GSE1: variants seen among roughly 807,000 people sequenced by gnomAD.
The protein encoded by GSE1 is Gse1 coiled-coil protein, also known as genetic suppressor element 1.
A neutral mutation model predicts 112.6 loss-of-function variants in GSE1; 32 were observed. That is an observed-to-expected ratio of 0.28 (90% confidence interval 0.21 to 0.38). GSE1 has a LOEUF of 0.38. Among genes scored for constraint, GSE1 ranks in the 10% least tolerant of loss-of-function variants. GSE1 has a pLI of 1.00. For synonymous variants in GSE1, 1,115 were observed against 735.6 expected (o/e 1.52, Z -8.35); for missense variants, 2,348 against 1,699.2 (o/e 1.38, Z -6.71).
intron 15 of GSE1, 76 bp from the exon 16 acceptor site, chr16:85,672,329 C>T (rs753805818): frequency 1.9e-6 from 2 of 1,073,918 alleles, no homozygotes; most frequent in African/African-American, 1.6e-5. Flanking sequence ...CCCTTCCATC[C>T]AGCATGTTTG....
At chr16:85,274,059 A>G (rs1452635872) in intron 1 of GSE1, among the ~76,000 whole-genome samples, 1 of 150,806 alleles carries the variant, frequency 6.6e-6, no homozygotes, top group Non-Finnish European at 1.5e-5. Context: ...GCTGCACAAC[A>G]TTGGGAATGC....
intron 2 of GSE1, among the ~76,000 whole-genome samples, chr16:85,480,190 C>A (rs2050627600): frequency 6.6e-6 from 1 of 152,250 alleles, no homozygotes; most frequent in Admixed American, 6.5e-5. Flanking sequence ...GGGCCCCAGC[C>A]AGGAGTAAGA....
chr16:85,257,403 G>A lies in GSE1; in HGVS notation c.2283+85596G>A, dbSNP rs142828684. Among the ~76,000 whole-genome samples the A allele has an allele frequency of 1.9e-3, 296 of 152,278 alleles. 2 individuals are homozygous for A. Among genetic ancestry groups the A allele is most frequent in the African/African-American group, 6.8e-3 (281 of 41,546 alleles). ...TGGGATTACAGGCATGAGCCACCAC[G>A]CTCAGCAATGTTCTGCATTTTCTAC... is the stretch of plus-strand genomic sequence containing the variant. On this transcript the variant is annotated intron_variant, in intron 1 of 2. Coordinates refer to the GSE1 transcript ENST00000637419.
At chr16:85,589,762 TG>T (rs1477894359) in intron 1 of GSE1, among the ~76,000 whole-genome samples, 7 of 152,000 alleles carry the variant, frequency 4.6e-5, no homozygotes, top group Non-Finnish European at 1.0e-4. Flanking sequence ...TGTGTGAACT[TG>T]TGTGACATTG....
At chr16:85,650,780 GA>G (rs2051269480) in intron 3 of GSE1, among the ~76,000 whole-genome samples, 1 of 152,080 alleles carries the variant, frequency 6.6e-6, no homozygotes, top group Non-Finnish European at 1.5e-5. Context: ...TGGGGAGGCA[GA>G]GAGAGGATTC....
intron 1 of GSE1, among the ~76,000 whole-genome samples, chr16:85,203,166 G>C (rs2075059061): frequency 6.6e-6 from 1 of 151,594 alleles, no homozygotes; most frequent in Non-Finnish European, 1.5e-5. Context: ...TGGCTCTGGG[G>C]CTGCTCTCCT....
chr16:85,312,239 A>T (rs2045876313), intron 1 of GSE1, among the ~76,000 whole-genome samples: 2 of 126,620 alleles, frequency 1.6e-5, no homozygotes, highest in Non-Finnish European at 3.2e-5. Flanking sequence ...CCCAAACCCT[A>T]AACACAACTG....
At chr16:85,613,279 G>A (rs2048116761), upstream of GSE1, 3 of 1,536,008 alleles carry the variant, frequency 2.0e-6, no homozygotes, top group East Asian at 2.6e-5. Context: ...CCTCCCCAGC[G>A]GGCCCGAGCT....
intron 1 of GSE1, among the ~76,000 whole-genome samples, chr16:85,319,808 C>G (rs1482794822): frequency 6.6e-6 from 1 of 152,192 alleles, no homozygotes; most frequent in Non-Finnish European, 1.5e-5. Flanking sequence ...AAGGCCTTCT[C>G]ACAAATGGTA....
chr16:85,345,341 T>C (rs1182817730), intron 1 of GSE1, among the ~76,000 whole-genome samples: 1 of 152,242 alleles, frequency 6.6e-6, no homozygotes. Flanking sequence ...CTGAGGCTGC[T>C]TGGGTGCTGC....
At chr16:85,392,719 G>C (rs1386902464) in intron 2 of GSE1, among the ~76,000 whole-genome samples, 1 of 152,240 alleles carries the variant, frequency 6.6e-6, no homozygotes, top group African/African-American at 2.4e-5. Context: ...AGGAAACTGA[G>C]AGCCAGCCGC....
At chr16:85,627,238 G>A (rs2151689298) in intron 1 of GSE1, among the ~76,000 whole-genome samples, 1 of 151,164 alleles carries the variant, frequency 6.6e-6, no homozygotes, top group Admixed American at 6.6e-5. Flanking sequence ...GTGAAATGGT[G>A]GGACCTGAGG....
In GSE1 at chr16:85,500,125, C is replaced by A. The variant is rs2051311125; in HGVS notation, c.2465-133789C>A. 2.0e-5 allele frequency among the ~76,000 whole-genome samples: 3 copies of A among 152,218 alleles called. No individual in the cohort carries two copies. The South Asian group carries it at 6.2e-4, about 31-fold the overall frequency. On this transcript the variant is annotated intron_variant, in intron 2 of 2. Coordinates refer to the GSE1 transcript ENST00000637419. ...TGGAATATTAGGGCCCCCTCCATAT[C>A]ATCATCCCCAATATTGCAAGAGCTA...
intron 2 of GSE1, among the ~76,000 whole-genome samples, chr16:85,507,871 C>T (rs1032940420): frequency 4.6e-5 from 7 of 152,138 alleles, no homozygotes; most frequent in Non-Finnish European, 8.8e-5. Flanking sequence ...GAAATGGATG[C>T]GTCATATTCA....
chr16:85,246,397 C>T (rs1349287294), intron 1 of GSE1, among the ~76,000 whole-genome samples: 7 of 82,822 alleles, frequency 8.5e-5, no homozygotes, highest in Admixed American at 1.3e-4. Flanking sequence ...ACACCCCACA[C>T]GCTGTCTACA....
At chr16:85,622,164 G>C (rs890779862) in intron 1 of GSE1, among the ~76,000 whole-genome samples, 3 of 152,304 alleles carry the variant, frequency 2.0e-5, no homozygotes, top group Admixed American at 6.5e-5. Flanking sequence ...TTGGTGGCTG[G>C]GTTGGATGAG....
intron 1 of GSE1, among the ~76,000 whole-genome samples, chr16:85,173,565 G>T (rs1309032133): frequency 2.0e-5 from 3 of 152,198 alleles, no homozygotes; most frequent in Non-Finnish European, 4.4e-5. Flanking sequence ...TGGCTTGCAG[G>T]CTGGGTGCCA....
intron 1 of GSE1, among the ~76,000 whole-genome samples, chr16:85,268,290 C>T (rs1403017947): frequency 6.6e-6 from 1 of 152,020 alleles, no homozygotes; most frequent in East Asian, 1.9e-4. Flanking sequence ...CACAGCATCG[C>T]ACAGCTGTAC....
chr16:85,343,954 C>T (rs992264432), intron 1 of GSE1, among the ~76,000 whole-genome samples: 1 of 152,160 alleles, frequency 6.6e-6, no homozygotes, highest in Non-Finnish European at 1.5e-5. Flanking sequence ...GGGCACAGTC[C>T]CGTCTCAGGG....
Sources: allele counts gnomAD v4.1 joint callset (sites outside exome capture counted in the v4.1 genomes callset), GRCh38; gene constraint gnomAD v4.1.1; transcripts MANE v1.5; gene names NCBI Gene and HGNC (gene_info 2026-07-23, HGNC 2026-07-21).